Variants in FBXL20 observed in about 807,000 individuals in gnomAD.
FBXL20 encodes the protein F-box/LRR-repeat protein 20.
FBXL20 carries 11 observed loss-of-function variants against 64.0 expected under a neutral mutation model. The ratio of observed to expected loss-of-function variants is 0.17; its 90% confidence interval spans 0.11 to 0.28. The LOEUF (loss-of-function observed/expected upper bound fraction) is 0.28. Among genes scored for constraint, FBXL20 ranks in the 10% least tolerant of loss-of-function variants. FBXL20 has a pLI of 1.00. For missense variants in FBXL20, 303 were observed against 526.2 expected (o/e 0.58, Z 4.15); for synonymous variants, 184 against 189.0 (o/e 0.97, Z 0.22).
At chr17:39,370,664 G>T (rs559913473) in intron 1 of FBXL20, among the ~76,000 whole-genome samples, 85 of 149,776 alleles carry the variant, frequency 5.7e-4, no homozygotes, top group Non-Finnish European at 1.2e-3. Context: ...GCGTGGTAGC[G>T]GGCGCCTGTA....
At chr17:39,315,393 T>TTTTATATATATATATATATATATA (rs147050998) in intron 2 of FBXL20, among the ~76,000 whole-genome samples, 5 of 134,568 alleles carry the variant, frequency 3.7e-5, no homozygotes, top group African/African-American at 1.5e-4. Flanking sequence ...TTTAAATAAT[T>TTTTATATATATATATATATATATA]TATATATATA....
intron 1 of FBXL20, among the ~76,000 whole-genome samples, chr17:39,364,974 G>A (rs552349518): frequency 2.0e-5 from 3 of 152,190 alleles, no homozygotes; most frequent in Non-Finnish European, 4.4e-5. Flanking sequence ...ACAAAAACAG[G>A]TTCTCTATTG....
intron 10 of FBXL20, among the ~76,000 whole-genome samples, chr17:39,273,861 T>C (rs1487158958): frequency 2.0e-5 from 3 of 150,332 alleles, no homozygotes; most frequent in Non-Finnish European, 4.4e-5. Context: ...TATATGGTGC[T>C]ATGGAGATTA....
chr17:39,274,959 GA>G lies in FBXL20; in HGVS notation c.827+10del, dbSNP rs762311101. ...TCTATGATTTTTTTGAGCTAAACAA[GA>G]AATGTTTACCTAAGCCGTGGGCAGT... On this transcript the variant is annotated intron_variant, in intron 10 of 14. Transcript: ENST00000264658. 9.3e-6 allele frequency: 15 copies of G among 1,610,516 alleles called. No homozygotes were observed. Among genetic ancestry groups the G allele is most frequent in the South Asian group, 1.1e-5 (1 of 89,794 alleles).
intron 2 of FBXL20, among the ~76,000 whole-genome samples, chr17:39,341,945 G>C (rs1000395341): frequency 6.6e-6 from 1 of 152,196 alleles, no homozygotes; most frequent in Non-Finnish European, 1.5e-5. Context: ...GCACAAGTAG[G>C]CAATGCTGCA....
intron 2 of FBXL20, among the ~76,000 whole-genome samples, chr17:39,313,963 T>G (rs35152961): frequency 2.6e-5 from 4 of 152,140 alleles, no homozygotes; most frequent in African/African-American, 9.7e-5. Context: ...ATACACACTT[T>G]AAAGTGCATA....
chr17:39,363,883 C>CTT (rs71147324), intron 1 of FBXL20, among the ~76,000 whole-genome samples: 836 of 48,706 alleles, frequency 0.017, 68 homozygotes, highest in African/African-American at 0.071. Context: ...TGAATCATAT[C>CTT]TTTTTTTTTT....
chr17:39,281,321 A>G, intron 9 of FBXL20, 68 bp downstream of exon 9: 1 of 1,432,292 alleles, frequency 7.0e-7, no homozygotes, highest in Non-Finnish European at 9.8e-7. Context: ...GAAGCTCTTA[A>G]AATAGCTCTT....
chr17:39,401,264 C>T, intron 1 of FBXL20, 97 bp downstream of exon 1: 1 of 1,595,160 alleles, frequency 6.3e-7, no homozygotes, highest in Non-Finnish European at 8.5e-7. Flanking sequence ...TGGGTGACGG[C>T]GCCTGCCAGG....
intron 1 of FBXL20, among the ~76,000 whole-genome samples, chr17:39,366,163 C>G (rs1204801508): frequency 6.6e-6 from 1 of 152,060 alleles, no homozygotes; most frequent in Non-Finnish European, 1.5e-5. Context: ...AATTTTCTCA[C>G]AATCTTTGTT....
chr17:39,383,988 T>C (rs548708022), intron 1 of FBXL20, among the ~76,000 whole-genome samples: 2 of 151,944 alleles, frequency 1.3e-5, no homozygotes, highest in South Asian at 4.2e-4. Flanking sequence ...AATCCTAGCA[T>C]TTTGGGAGGC....
intron 1 of FBXL20, among the ~76,000 whole-genome samples, chr17:39,377,230 T>C (rs2047975918): frequency 6.6e-6 from 1 of 152,110 alleles, no homozygotes; most frequent in South Asian, 2.1e-4. Context: ...CCCAGATCGA[T>C]TAACTGGCTC....
intron 1 of FBXL20, among the ~76,000 whole-genome samples, chr17:39,347,895 C>G (rs1320636832): frequency 6.6e-6 from 1 of 152,074 alleles, no homozygotes; most frequent in Non-Finnish European, 1.5e-5. Context: ...GATCCAGTTT[C>G]AGCTTTCTAC....
chr17:39,345,393 A>G (rs2047622264), intron 1 of FBXL20, among the ~76,000 whole-genome samples: 2 of 152,172 alleles, frequency 1.3e-5, no homozygotes, highest in South Asian at 4.1e-4. Context: ...CTGGGAAAAA[A>G]AGATAACAAT....
chr17:39,335,601 AAAAG>A (rs2047513309), intron 2 of FBXL20, among the ~76,000 whole-genome samples: 1 of 151,778 alleles, frequency 6.6e-6, no homozygotes, highest in Non-Finnish European at 1.5e-5. Flanking sequence ...AAAAAAAAAA[AAAAG>A]AAGGAATCTT....
intron 1 of FBXL20, among the ~76,000 whole-genome samples, chr17:39,369,824 C>T (rs1190097216): frequency 6.6e-6 from 1 of 152,180 alleles, no homozygotes; most frequent in Non-Finnish European, 1.5e-5. Flanking sequence ...TCTGTAGAGA[C>T]AGGCTCTCGC....
At chr17:39,299,119 C>T (rs1181647378) in intron 4 of FBXL20, 35 bp from the exon 5 acceptor site, 1 of 1,399,266 alleles carries the variant, frequency 7.1e-7, no homozygotes, top group Non-Finnish European at 1.0e-6. Context: ...AAAGATAACC[C>T]ACCTCATTAC....
At chr17:39,385,232 C>T (rs933975134) in intron 1 of FBXL20, among the ~76,000 whole-genome samples, 1 of 151,236 alleles carries the variant, frequency 6.6e-6, no homozygotes, top group Non-Finnish European at 1.5e-5. Context: ...TAGAAACACA[C>T]ACGCGCGTGC....
chr17:39,394,870 C>T lies in FBXL20; in HGVS notation c.42+6491G>A, dbSNP rs79009708. On this transcript the variant is annotated intron_variant, in intron 1 of 14. Coordinates refer to ENST00000264658, the MANE Select transcript of FBXL20 (RefSeq NM_032875.3). The stretch of plus-strand genomic sequence containing the variant: ...CACTGTGCCTGGCCAGATACTGTAC[C>T]CGGCCAGATACGGAAATTTTTAATT... 6.3e-3 allele frequency among the ~76,000 whole-genome samples: 956 copies of T among 152,038 alleles called. 17 individuals are homozygous for T. The highest frequency in any genetic ancestry group is 0.022 in the African/African-American group (914 of 41,450).
Sources: gnomAD v4.1 joint callset for allele counts (sites outside exome capture counted in the v4.1 genomes callset) on GRCh38, gnomAD v4.1.1 for gene constraint, MANE v1.5 for transcripts, NCBI Gene and HGNC (gene_info 2026-07-23, HGNC 2026-07-21) for gene names.